SNX24: variants seen among roughly 807,000 people sequenced by gnomAD.
SNX24 encodes the protein sorting nexin-24.
A neutral mutation model predicts 28.7 loss-of-function variants in SNX24; 22 were observed. The observed-to-expected ratio is 0.77, with a 90% CI of 0.55 to 1.10. SNX24 has a LOEUF of 1.10. SNX24 is among the 50% of genes least tolerant of loss of function. The pLI is 0.00. For missense variants in SNX24, 221 were observed against 201.1 expected (o/e 1.10, Z -0.60); for synonymous variants, 69 against 71.5 (o/e 0.96, Z 0.18).
chr5:123,005,156 C>G (rs765496518), intron 6 of SNX24, among the ~76,000 whole-genome samples: 2 of 152,176 alleles, frequency 1.3e-5, no homozygotes, highest in Non-Finnish European at 2.9e-5. Context: ...CACCTCCATC[C>G]CATTCACTTT....
chr5:122,876,494 C>T lies in SNX24; in HGVS notation c.60+30801C>T, dbSNP rs60267267. ...ATTTAACCTCTTGTGATCTTACTCT[C>T]AACAAAGTTTCAACATTGAAGCAAA... On this transcript the variant is annotated intron_variant, in intron 1 of 6. Transcript: ENST00000261369. Among the ~76,000 whole-genome samples, 1,264 of 152,250 alleles carry T rather than the reference C, an allele frequency of 8.3e-3. 17 individuals carry two copies. Among genetic ancestry groups the T allele is most frequent in the African/African-American group, 0.029 (1,192 of 41,538 alleles).
At chr5:122,849,860 G>C (rs903946978) in intron 1 of SNX24, among the ~76,000 whole-genome samples, 1 of 152,172 alleles carries the variant, frequency 6.6e-6, no homozygotes, top group African/African-American at 2.4e-5. Context: ...TGAATAATGA[G>C]TGATGTAATC....
At chr5:123,006,452 G>A (rs1346016754) in intron 6 of SNX24, among the ~76,000 whole-genome samples, 2 of 152,050 alleles carry the variant, frequency 1.3e-5, no homozygotes, top group African/African-American at 2.4e-5. Context: ...TTGCCCTCTC[G>A]AACTACTGCA....
rs774008683 is a variant in SNX24, at chr5:123,007,671, C to A, written c.443-11C>A. ...TTCTTTTTTTTTTCTTTTTTTTTTTCTTTTTTTCAGATTTTCCAAATGTGG... is the reference window on the plus strand; with the variant it reads ...TTCTTTTTTTTTTCTTTTTTTTTTTATTTTTTTCAGATTTTCCAAATGTGG... On this transcript the variant is annotated splice_polypyrimidine_tract_variant and intron_variant, in intron 6 of 6. Transcript: ENST00000261369. The A allele has an allele frequency of 5.8e-4, 669 of 1,146,996 alleles. No homozygotes were observed. The highest frequency in any genetic ancestry group is 6.7e-4 in the Non-Finnish European group (589 of 876,574). 71.1% of individuals were successfully genotyped at this position (1,146,996 alleles called of 1,614,324 possible). A position where few individuals can be genotyped will look rare whatever the true frequency, so the allele number is the denominator to read the frequency against.
intron 1 of SNX24, among the ~76,000 whole-genome samples, chr5:122,899,908 A>C (rs1190063163): frequency 6.6e-6 from 1 of 152,202 alleles, no homozygotes; most frequent in Non-Finnish European, 1.5e-5. Flanking sequence ...AAACCCAAGG[A>C]CTTTAGTAGA....
chr5:122,847,971 A>G (rs1418254959), intron 1 of SNX24, among the ~76,000 whole-genome samples: 1 of 152,182 alleles, frequency 6.6e-6, no homozygotes, highest in Middle Eastern at 3.2e-3. Context: ...AGCAGTGAAT[A>G]AGCTATGAAT....
chr5:122,890,906 ATTGTT>A, intron 1 of SNX24: 1 of 988,826 alleles, frequency 1.0e-6, no homozygotes. Flanking sequence ...AGAAACAGGA[ATTGTT>A]AATTAAAATT....
At position 122,848,810 on chromosome 5, in the gene SNX24, C is replaced by CTTCT. The variant is rs1359817950; in HGVS notation, c.60+3118_60+3121dup. 4.6e-5 allele frequency among the ~76,000 whole-genome samples: 7 copies of CTTCT among 152,328 alleles called. No individual in the cohort carries two copies. The East Asian group carries it at 1.2e-3, about 25-fold the overall frequency. ...AGAAATGGGTGGTTTCTCCTCTTTG[C>CTTCT]TTCTAGTCTCATTCCCCCAGAAGTA... On this transcript the variant is annotated intron_variant, in intron 1 of 6. Transcript: ENST00000261369.
intron 2 of SNX24, among the ~76,000 whole-genome samples, chr5:122,943,084 T>G (rs1759530692): frequency 1.3e-5 from 2 of 152,166 alleles, no homozygotes; most frequent in South Asian, 4.1e-4. Flanking sequence ...TAATTTAGCA[T>G]TTTGGCCTTG....
At position 122,908,960 on chromosome 5, in the gene SNX24, C is replaced by T. The variant is rs375254179; in HGVS notation, c.61-27774C>T. Reference sequence around the variant, plus strand: ...GTGAGCACTTGAGCGGGGAGTGAAGCGTGGGACTTGCTCTAAGAAAGGTTG... The same window carrying T: ...GTGAGCACTTGAGCGGGGAGTGAAGTGTGGGACTTGCTCTAAGAAAGGTTG... On this transcript the variant is annotated intron_variant, in intron 1 of 6. Coordinates refer to ENST00000261369, the MANE Select transcript of SNX24 (RefSeq NM_014035.4). Among the ~76,000 whole-genome samples the T allele has an allele frequency of 1.2e-4, 18 of 152,246 alleles. 2 individuals carry two copies. Among genetic ancestry groups the T allele is most frequent in the East Asian group, 3.9e-4 (2 of 5,184 alleles).
intron 3 of SNX24, among the ~76,000 whole-genome samples, chr5:122,987,343 G>C (rs765667372): frequency 9.2e-5 from 14 of 152,146 alleles, no homozygotes; most frequent in Non-Finnish European, 1.9e-4. Flanking sequence ...AGACCAGCTA[G>C]ATCAGAAACT....
intron 3 of SNX24, among the ~76,000 whole-genome samples, chr5:122,985,431 G>C (rs1275809045): frequency 1.3e-5 from 2 of 152,126 alleles, no homozygotes; most frequent in Non-Finnish European, 2.9e-5. Context: ...TCTGGGCTTG[G>C]TTTATTAGGA....
Position 123,007,845 on chromosome 5 carries a change from A to C in SNX24, c.*96A>C. 2 of 1,539,002 alleles carry C rather than the reference A, an allele frequency of 1.3e-6. No individual in the cohort carries two copies. Among genetic ancestry groups the C allele is most frequent in the Non-Finnish European group, 1.7e-6 (2 of 1,148,494 alleles). Reference sequence around the variant, plus strand: ...TTTAACCTAAACGCTATGATATATAACAGCTCTAGCTAGTGGTAAAGTGCA... The same window carrying C: ...TTTAACCTAAACGCTATGATATATACCAGCTCTAGCTAGTGGTAAAGTGCA... On this transcript the variant is annotated 3_prime_UTR_variant, in exon 7 of 7. Transcript: ENST00000261369.
rs542549740 is a variant in SNX24, at chr5:122,896,167, T to A, written c.61-40567T>A. Among the ~76,000 whole-genome samples, 3 of 152,222 alleles carry A rather than the reference T, an allele frequency of 2.0e-5. No homozygotes were observed. In the East Asian group the frequency reaches 5.8e-4, roughly 29 times the overall value. On this transcript the variant is annotated intron_variant, in intron 1 of 6. Transcript: ENST00000261369. The stretch of plus-strand genomic sequence containing the variant: ...CATCTCAAACAAACAAACAAACATA[T>A]AGAAGCAGAGTTTTGTTTGTTTGTT...
chr5:122,980,147 C>T (rs188450657), intron 3 of SNX24, among the ~76,000 whole-genome samples: 1 of 152,172 alleles, frequency 6.6e-6, no homozygotes, highest in Non-Finnish European at 1.5e-5. Context: ...CAGTAATACA[C>T]ACATTAGTCA....
intron 5 of SNX24, among the ~76,000 whole-genome samples, chr5:123,020,099 G>A (rs1005820015): frequency 1.8e-4 from 27 of 152,220 alleles, no homozygotes; most frequent in African/African-American, 6.0e-4. Flanking sequence ...GGCATGTATC[G>A]CGTAAAGCGC....
At chr5:123,011,344 C>G (rs1762574134), downstream of SNX24, among the ~76,000 whole-genome samples, 1 of 152,176 alleles carries the variant, frequency 6.6e-6, no homozygotes, top group South Asian at 2.1e-4. Context: ...TCATCTCTGC[C>G]TACTCATTCT....
chr5:122,946,928 C>T (rs938455816), intron 3 of SNX24, among the ~76,000 whole-genome samples: 1 of 152,198 alleles, frequency 6.6e-6, no homozygotes, highest in Admixed American at 6.5e-5. Flanking sequence ...TACCATTCTG[C>T]CACTAACCCA....
intron 3 of SNX24, among the ~76,000 whole-genome samples, chr5:122,964,247 C>CAAAAAAAAAAAAAAAAAAAAAAAAAAA (rs34174497): frequency 1.2e-3 from 43 of 36,578 alleles, no homozygotes; most frequent in Non-Finnish European, 1.7e-3. Flanking sequence ...GACTCCATCT[C>CAAAAAAAAAAAAAAAAAAAAAAAAAAA]AAAAAAAAAA....
Sources: allele counts gnomAD v4.1 joint callset (sites outside exome capture counted in the v4.1 genomes callset), GRCh38; gene constraint gnomAD v4.1.1; transcripts MANE v1.5; gene names NCBI Gene and HGNC (gene_info 2026-07-23, HGNC 2026-07-21).